The following FBXL7 variants were observed in gnomAD, a reference collection of about 807,000 sequenced individuals.
FBXL7 encodes the protein F-box/LRR-repeat protein 7.
Under a neutral mutation model 38.3 loss-of-function variants are expected in FBXL7, and 12 were observed. The ratio of observed to expected loss-of-function variants is 0.31; its 90% CI spans 0.20 to 0.51. The LOEUF is 0.51. Ranked by LOEUF, FBXL7 falls within the 20% of genes least tolerant of loss-of-function variation. FBXL7 has a pLI of 0.98. For synonymous variants in FBXL7, 297 were observed against 300.9 expected, an observed-to-expected ratio of 0.99 and a Z score of 0.13; for missense variants, 567 against 676.4, an observed-to-expected ratio of 0.84 and a Z score of 1.79.
intron 1 of FBXL7, among the ~76,000 whole-genome samples, chr5:15,514,363 A>G (rs1335191082): frequency 1.3e-5 from 2 of 152,208 alleles, no homozygotes; most frequent in African/African-American, 2.4e-5. Context: ...TGAACTTACA[A>G]ATGCTACTGG....
rs895685550 is a variant in FBXL7 at position 15,886,950 on chromosome 5, C to T, written c.128-40940C>T. 3.3e-5 allele frequency among the ~76,000 whole-genome samples: 5 copies of T among 152,084 alleles called. 1 individual carries two copies. The highest frequency in any genetic ancestry group is 2.6e-4 in the Admixed American group (4 of 15,266). Reference sequence around the variant, plus strand: ...TTGAGCAAGTTCATTGTGGCTCACCCGCAATTACAAGGTGAAACAGTGCTT... The same window carrying T: ...TTGAGCAAGTTCATTGTGGCTCACCTGCAATTACAAGGTGAAACAGTGCTT... On this transcript the variant is annotated intron_variant, in intron 2 of 3. Coordinates refer to ENST00000504595, the MANE Select transcript of FBXL7 (RefSeq NM_012304.5).
intron 2 of FBXL7, among the ~76,000 whole-genome samples, chr5:15,778,016 A>G (rs1736901268): frequency 6.6e-6 from 1 of 152,090 alleles, no homozygotes; most frequent in Admixed American, 6.6e-5. Context: ...AAAGGTATGT[A>G]TTTTGGTTAC....
chr5:15,650,251 C>T (rs1404143060), intron 2 of FBXL7, among the ~76,000 whole-genome samples: 1 of 152,130 alleles, frequency 6.6e-6, no homozygotes, highest in African/African-American at 2.4e-5. Context: ...TTTTGGTTTC[C>T]CAGTGCACGT....
At chr5:15,797,357 T>A (rs1737443920) in intron 2 of FBXL7, among the ~76,000 whole-genome samples, 1 of 152,234 alleles carries the variant, frequency 6.6e-6, no homozygotes, top group South Asian at 2.1e-4. Context: ...TATATAAACA[T>A]GTGACACCTG....
intron 3 of FBXL7, among the ~76,000 whole-genome samples, chr5:15,934,513 G>A (rs1177335149): frequency 6.6e-6 from 1 of 151,644 alleles, no homozygotes; most frequent in Admixed American, 6.6e-5. Flanking sequence ...TATAACTTAT[G>A]CATACATATT....
At chr5:15,502,679 C>G (rs978792500) in intron 1 of FBXL7, among the ~76,000 whole-genome samples, 3 of 152,092 alleles carry the variant, frequency 2.0e-5, no homozygotes, top group Non-Finnish European at 2.9e-5. Flanking sequence ...ATAGAATGAC[C>G]TTCTTTTTTC....
chr5:15,925,634 T>C (rs1741860041), intron 2 of FBXL7, among the ~76,000 whole-genome samples: 1 of 152,224 alleles, frequency 6.6e-6, no homozygotes, highest in Non-Finnish European at 1.5e-5. Flanking sequence ...CATATAAGCA[T>C]AGAGCTTTTG....
At chr5:15,806,082 T>G (rs1045402713) in intron 2 of FBXL7, among the ~76,000 whole-genome samples, 3 of 152,186 alleles carry the variant, frequency 2.0e-5, no homozygotes, top group Admixed American at 2.0e-4. Flanking sequence ...CTATAATTTA[T>G]GAAAGTAGTA....
chr5:15,533,306 C>T (rs1330770746), intron 1 of FBXL7, among the ~76,000 whole-genome samples: 3 of 152,074 alleles, frequency 2.0e-5, no homozygotes, highest in East Asian at 1.9e-4. Flanking sequence ...CTGATTGACT[C>T]GTGGGGACAA....
In FBXL7 at chr5:15,720,096, C is replaced by A. The variant is rs529751795; in HGVS notation, c.127+104024C>A. On this transcript the variant is annotated intron_variant, in intron 2 of 3. Coordinates refer to ENST00000504595, the MANE Select transcript of FBXL7 (RefSeq NM_012304.5). ...TTGCCTGCATGTCTAAATTTGCAAT[C>A]TTGGTTGAATTGCTGTGCGTAAAAT... Among the ~76,000 whole-genome samples, 373 of 149,266 alleles carry A rather than the reference C, an allele frequency of 2.5e-3. 42 individuals are homozygous for A. Among genetic ancestry groups the A allele is most frequent in the Admixed American group, 3.2e-3 (48 of 14,840 alleles).
intron 2 of FBXL7, among the ~76,000 whole-genome samples, chr5:15,753,024 A>G (rs749383376): frequency 3.9e-5 from 6 of 152,074 alleles, no homozygotes; most frequent in African/African-American, 7.2e-5. Context: ...GACCTTGAAC[A>G]TTTTCGCCGC....
intron 1 of FBXL7, among the ~76,000 whole-genome samples, chr5:15,527,846 C>G (rs1737296844): frequency 6.6e-6 from 1 of 152,174 alleles, no homozygotes; most frequent in Non-Finnish European, 1.5e-5. Flanking sequence ...CGAACATACC[C>G]AATATCTGGA....
Position 15,936,555 on chromosome 5 carries a change from G to T in FBXL7, c.845G>T (p.Cys282Phe). ...ATCCGCTACCTGGACATGACGGACT[G>T]CTTCGTGCTGGAGGACGAAGGCCTG... ...ISIRYLDMTD[C>F]FVLEDEGLHT... The change falls in exon 4 of 4, where the codon TGC becomes TTC. Residue 282 changes from cysteine (C) to phenylalanine (F), a missense_variant. Coordinates refer to ENST00000504595, the MANE Select transcript of FBXL7 (RefSeq NM_012304.5). This position sits in a 1 kb window ranked among gnomAD's most constrained non-coding sequence, Gnocchi z 6.0. 1 of 1,613,274 alleles carries T rather than the reference G, an allele frequency of 6.2e-7. No homozygotes were observed. Among genetic ancestry groups the T allele is most frequent in the Non-Finnish European group, 8.5e-7 (1 of 1,179,898 alleles).
At chr5:15,514,694 G>T (rs1023518772) in intron 1 of FBXL7, among the ~76,000 whole-genome samples, 3 of 152,086 alleles carry the variant, frequency 2.0e-5, no homozygotes, top group Non-Finnish European at 4.4e-5. Context: ...GAATAGAGTG[G>T]CTGCCCTACT....
At chr5:15,672,557 C>CTTT (rs35987843) in intron 2 of FBXL7, among the ~76,000 whole-genome samples, 1 of 135,152 alleles carries the variant, frequency 7.4e-6, no homozygotes, top group African/African-American at 2.7e-5. Context: ...TAATCTTTTT[C>CTTT]TTTTTTTTTT....
chr5:15,682,304 A>G (rs921881272), intron 2 of FBXL7, among the ~76,000 whole-genome samples: 1 of 152,174 alleles, frequency 6.6e-6, no homozygotes, highest in Non-Finnish European at 1.5e-5. Flanking sequence ...TTCACATTCC[A>G]TTGGCCAGAT....
intron 1 of FBXL7, chr5:15,501,838 A>G (rs1425991107): frequency 5.6e-6 from 4 of 717,616 alleles, no homozygotes; most frequent in Middle Eastern, 7.2e-4. Context: ...CCAGATCATC[A>G]TGTTTTGACT....
At chr5:15,605,221 G>T (rs1473234112) in intron 1 of FBXL7, among the ~76,000 whole-genome samples, 1 of 152,148 alleles carries the variant, frequency 6.6e-6, no homozygotes, top group Admixed American at 6.5e-5. Flanking sequence ...TCTGATTTCA[G>T]CTGGAAACAA....
intron 1 of FBXL7, among the ~76,000 whole-genome samples, chr5:15,542,342 A>T (rs1450707823): frequency 6.6e-6 from 1 of 152,282 alleles, no homozygotes; most frequent in East Asian, 1.9e-4. Flanking sequence ...CACATATCAA[A>T]ATTTTCTTGG....
Sources: gnomAD v4.1 joint callset for allele counts (sites outside exome capture counted in the v4.1 genomes callset) on GRCh38, gnomAD v4.1.1 for gene constraint, Gnocchi (gnomAD v3.1) non-coding constraint, MANE v1.5 for transcripts, NCBI Gene and HGNC (gene_info 2026-07-23, HGNC 2026-07-21) for gene names.